The following RAB8B variants were observed in gnomAD, a reference collection of about 807,000 sequenced individuals.
The protein encoded by RAB8B is ras-related protein Rab-8B.
A neutral mutation model predicts 32.0 loss-of-function variants in RAB8B; 11 were observed. That is an observed-to-expected ratio of 0.34 (90% CI 0.22 to 0.57). The LOEUF (loss-of-function observed/expected upper bound fraction) is 0.57, where lower values mean the gene tolerates loss of function less well. RAB8B is among the 20% of genes least tolerant of loss of function. The pLI is 0.86. For synonymous variants in RAB8B, 103 were observed against 89.6 expected, an observed-to-expected ratio of 1.15 and a Z score of -0.85; for missense variants, 190 against 258.5, an observed-to-expected ratio of 0.73 and a Z score of 1.82.
chr15:63,257,262 C>CTT (rs554753766), intron 5 of RAB8B, among the ~76,000 whole-genome samples: 30 of 139,502 alleles, frequency 2.2e-4, no homozygotes, highest in East Asian at 8.3e-4. Flanking sequence ...ATTTTCTTTT[C>CTT]TTTTTTTTTT....
At chr15:63,234,253 G>A (rs1428230880) in intron 1 of RAB8B, among the ~76,000 whole-genome samples, 1 of 152,008 alleles carries the variant, frequency 6.6e-6, no homozygotes, top group South Asian at 2.1e-4. Flanking sequence ...AGAGAGTTCC[G>A]AAGGCCAAGA....
chr15:63,220,662 C>T (rs1408172398), intron 1 of RAB8B, among the ~76,000 whole-genome samples: 2 of 152,002 alleles, frequency 1.3e-5, no homozygotes, highest in African/African-American at 4.8e-5. Flanking sequence ...AATTTGCCAG[C>T]CATTAAGATT....
chr15:63,244,934 G>A (rs920710337), intron 2 of RAB8B, 118 bp downstream of exon 2: 9 of 832,706 alleles, frequency 1.1e-5, no homozygotes, highest in Non-Finnish European at 1.5e-5. Context: ...TTCTTTATCG[G>A]AACCAAGGGG....
intron 1 of RAB8B, among the ~76,000 whole-genome samples, chr15:63,195,674 C>G (rs1595731697): frequency 6.6e-6 from 1 of 152,196 alleles, no homozygotes; most frequent in Admixed American, 6.5e-5. Flanking sequence ...CAGGCCAGCT[C>G]GAGTCTAGGT....
chr15:63,233,617 A>T (rs1453318158), intron 1 of RAB8B, among the ~76,000 whole-genome samples: 1 of 152,212 alleles, frequency 6.6e-6, no homozygotes, highest in Admixed American at 6.5e-5. Flanking sequence ...CAAGAACTGT[A>T]TCTTTATTGT....
At chr15:63,203,371 T>C (rs924952553) in intron 1 of RAB8B, among the ~76,000 whole-genome samples, 9 of 152,244 alleles carry the variant, frequency 5.9e-5, no homozygotes, top group African/African-American at 2.2e-4. Flanking sequence ...GGGCAAATTA[T>C]TCAGTCATTT....
In RAB8B at chr15:63,256,523, G is replaced by C. The variant is rs762065157; in HGVS notation, c.343G>C (p.Glu115Gln). ...NIEEHASSDV[E>Q]RMILGNKCDM... ...CCTGCAGCATGCCTCTTCCGATGTC[G>C]AAAGAATGATCCTGGGTAACAAATG... The change falls in exon 5 of 8, where the codon GAA becomes CAA. Residue 115 changes from glutamate to glutamine, a missense_variant. By Grantham distance (29) the Glu-to-Gln change is conservative. Coordinates refer to ENST00000321437, the MANE Select transcript of RAB8B (RefSeq NM_016530.3). 1.2e-6 allele frequency: 2 copies of C among 1,601,264 alleles called. No individual in the cohort carries two copies. The highest frequency in any genetic ancestry group is 1.7e-6 in the Non-Finnish European group (2 of 1,176,124).
At chr15:63,226,152 T>C (rs1040589379) in intron 1 of RAB8B, among the ~76,000 whole-genome samples, 1 of 152,226 alleles carries the variant, frequency 6.6e-6, no homozygotes, top group Non-Finnish European at 1.5e-5. Context: ...TAATTCTTTG[T>C]CAAATTAAAT....
At chr15:63,201,197 G>T (rs1470893024) in intron 1 of RAB8B, among the ~76,000 whole-genome samples, 1 of 152,202 alleles carries the variant, frequency 6.6e-6, no homozygotes, top group Non-Finnish European at 1.5e-5. Context: ...AAACGGGAAA[G>T]AGTTAATGAA....
chr15:63,216,900 TC>T (rs1291845975), intron 1 of RAB8B, among the ~76,000 whole-genome samples: 1 of 151,594 alleles, frequency 6.6e-6, no homozygotes, highest in Non-Finnish European at 1.5e-5. Flanking sequence ...AAAGTATTCC[TC>T]CTTTTTTAGT....
chr15:63,193,110 C>A (rs771069606), intron 1 of RAB8B, among the ~76,000 whole-genome samples: 4 of 152,128 alleles, frequency 2.6e-5, no homozygotes, highest in Admixed American at 6.6e-5. Context: ...ACCTTTAGTA[C>A]TAGCTACTTG....
intron 6 of RAB8B, 126 bp from the exon 7 acceptor site, chr15:63,262,566 A>G (rs1027377933): frequency 6.1e-5 from 17 of 276,834 alleles, no homozygotes; most frequent in Non-Finnish European, 3.2e-5. Flanking sequence ...AGGAGTTCCA[A>G]TTCAGCCAGG....
intron 2 of RAB8B, among the ~76,000 whole-genome samples, chr15:63,247,899 G>A (rs933661037): frequency 6.6e-6 from 1 of 152,208 alleles, no homozygotes; most frequent in Non-Finnish European, 1.5e-5. Flanking sequence ...GTGGTTTCCA[G>A]TGTACTTCAC....
chr15:63,228,732 C>CT (rs1016278181), intron 1 of RAB8B, among the ~76,000 whole-genome samples: 5 of 152,214 alleles, frequency 3.3e-5, no homozygotes, highest in South Asian at 2.1e-4. Flanking sequence ...TTTTTTTGTG[C>CT]TTTTTTTCCC....
intron 1 of RAB8B, among the ~76,000 whole-genome samples, chr15:63,219,779 G>A (rs1003263954): frequency 6.6e-6 from 1 of 152,168 alleles, no homozygotes; most frequent in South Asian, 2.1e-4. Flanking sequence ...AAAGAAAACT[G>A]GGTCTTTTAC....
At chr15:63,254,047 T>G (rs1277297075) in intron 3 of RAB8B, among the ~76,000 whole-genome samples, 1 of 152,216 alleles carries the variant, frequency 6.6e-6, no homozygotes, top group Non-Finnish European at 1.5e-5. Flanking sequence ...CAGCCTCAGC[T>G]TGTGCCCTCC....
At chr15:63,232,278 T>G (rs1248970167) in intron 1 of RAB8B, among the ~76,000 whole-genome samples, 2 of 152,230 alleles carry the variant, frequency 1.3e-5, no homozygotes, top group Non-Finnish European at 2.9e-5. Flanking sequence ...TAAGGGTTAA[T>G]TAGATCATTA....
intron 1 of RAB8B, among the ~76,000 whole-genome samples, chr15:63,229,593 C>A (rs2141127063): frequency 6.6e-6 from 1 of 151,994 alleles, no homozygotes; most frequent in African/African-American, 2.4e-5. Context: ...CCATTCTGGC[C>A]AACATGGTGA....
chr15:63,260,861 T>G (rs569563019), intron 6 of RAB8B, among the ~76,000 whole-genome samples: 7 of 152,356 alleles, frequency 4.6e-5, no homozygotes, highest in Admixed American at 3.9e-4. Context: ...TTACTCATTG[T>G]TCATCATAAC....
Sources: allele counts gnomAD v4.1 joint callset (sites outside exome capture counted in the v4.1 genomes callset), GRCh38; gene constraint gnomAD v4.1.1; transcripts MANE v1.5; gene names NCBI Gene and HGNC (gene_info 2026-07-23, HGNC 2026-07-21).